Variants in CPQ observed in about 807,000 individuals in gnomAD.
CPQ encodes the protein carboxypeptidase Q, also known as Ser-Met dipeptidase.
A neutral mutation model predicts 45.7 loss-of-function variants in CPQ; 37 were observed. That is an observed-to-expected ratio of 0.81 (90% confidence interval 0.62 to 1.07). The LOEUF (loss-of-function observed/expected upper bound fraction) is 1.07, where lower values mean the gene tolerates loss of function less well. Ranked by LOEUF, CPQ falls within the 50% of genes least tolerant of loss-of-function variation. The pLI, the probability that CPQ is intolerant of heterozygous loss-of-function variation, is 0.00. For synonymous variants in CPQ, 186 were observed against 205.8 expected, an observed-to-expected ratio of 0.90 and a Z score of 0.82; for missense variants, 537 against 572.9, an observed-to-expected ratio of 0.94 and a Z score of 0.64.
intron 7 of CPQ, among the ~76,000 whole-genome samples, chr8:97,138,137 A>T (rs1812095877): frequency 6.6e-6 from 1 of 152,104 alleles, no homozygotes; most frequent in South Asian, 2.1e-4. Flanking sequence ...ATGGCTCCAC[A>T]TTTATGAACT....
At position 96,695,905 on chromosome 8, in the gene CPQ, T is replaced by C. The variant is rs1809373800; in HGVS notation, c.-35+50503T>C. Among the ~76,000 whole-genome samples the C allele has an allele frequency of 2.0e-5, 3 of 149,148 alleles. 1 individual carries two copies. Among genetic ancestry groups the C allele is most frequent in the African/African-American group, 7.6e-5 (3 of 39,332 alleles). On this transcript the variant is annotated intron_variant, in intron 1 of 7. Coordinates refer to ENST00000220763, the MANE Select transcript of CPQ (RefSeq NM_016134.4). ...TGGCGATTCCTCAGGGATCTAGAACTAGAAATATCATTTGACCCAGCCATC... is the reference window on the plus strand; with the variant it reads ...TGGCGATTCCTCAGGGATCTAGAACCAGAAATATCATTTGACCCAGCCATC...
chr8:96,834,089 C>G (rs1811494792), intron 2 of CPQ, among the ~76,000 whole-genome samples: 1 of 152,182 alleles, frequency 6.6e-6, no homozygotes, highest in Non-Finnish European at 1.5e-5. Context: ...TGCATCTGGC[C>G]TTTGTTGCCA....
At position 97,143,062 on chromosome 8, in the gene CPQ, A is replaced by T. The variant is rs747332856; in HGVS notation, c.1298A>T (p.His433Leu). 3 of 1,613,886 alleles carry T rather than the reference A, an allele frequency of 1.9e-6. No individual in the cohort carries two copies. Among genetic ancestry groups the T allele is most frequent in the Middle Eastern group, 3.3e-4 (2 of 6,084 alleles). The change falls in exon 8 of 8, where the codon CAT becomes CTT. Residue 433 changes from histidine to leucine, a missense_variant. Physicochemically the swap from His to Leu is moderately conservative, Grantham distance 99. Coordinates refer to ENST00000220763, the MANE Select transcript of CPQ (RefSeq NM_016134.4). ...GACTTATACAAGTATTTCTTCTTCCATCACTCCCACGGAGACACCATGACT... is the reference window on the plus strand; with the variant it reads ...GACTTATACAAGTATTTCTTCTTCCTTCACTCCCACGGAGACACCATGACT... ...LDDLYKYFFF[H>L]HSHGDTMTVM...
chr8:96,658,017 A>G (rs570997250), intron 1 of CPQ, among the ~76,000 whole-genome samples: 1 of 152,364 alleles, frequency 6.6e-6, no homozygotes, highest in East Asian at 1.9e-4. Flanking sequence ...AGTATTTTAA[A>G]TCATTAATGC....
At chr8:97,016,470 T>G (rs1334951133) in intron 5 of CPQ, among the ~76,000 whole-genome samples, 1 of 152,232 alleles carries the variant, frequency 6.6e-6, no homozygotes, top group African/African-American at 2.4e-5. Context: ...ATATATTCAT[T>G]CAGTCAATCA....
chr8:97,030,926 G>A (rs1313425778), intron 6 of CPQ, among the ~76,000 whole-genome samples: 2 of 152,124 alleles, frequency 1.3e-5, no homozygotes, highest in Admixed American at 6.6e-5. Flanking sequence ...GTGTGCAAAG[G>A]CAGGAGATGA....
intron 2 of CPQ, among the ~76,000 whole-genome samples, chr8:96,800,997 A>G: frequency 7.0e-6 from 1 of 142,706 alleles, no homozygotes; most frequent in Non-Finnish European, 1.5e-5. Flanking sequence ...TTTTTTTGAG[A>G]CAGGGTCTCA....
At chr8:97,086,131 C>A (rs1338086335) in intron 7 of CPQ, among the ~76,000 whole-genome samples, 1 of 152,082 alleles carries the variant, frequency 6.6e-6, no homozygotes, top group Non-Finnish European at 1.5e-5. Flanking sequence ...AATTGCTTGG[C>A]ACTTAAAAAG....
chr8:96,785,065 T>G lies in CPQ; in HGVS notation c.168T>G (p.Tyr56Ter). The G allele has an allele frequency of 6.2e-7, 1 of 1,613,838 alleles. No individual in the cohort carries two copies. Among genetic ancestry groups the G allele is most frequent in the Non-Finnish European group, 8.5e-7 (1 of 1,179,846 alleles). The change falls in exon 2 of 8, where the codon TAT (tyrosine) becomes TAG (stop). Residue 56 changes from tyrosine to a stop codon, truncating the protein, a stop_gained. Coordinates refer to ENST00000220763, the MANE Select transcript of CPQ (RefSeq NM_016134.4). LOFTEE classifies it high-confidence loss of function. ...VAKAIINLAV[Y>*]GKAQNRSYER... ...AAGCAATCATCAACCTAGCTGTTTA[T>G]GGTAAAGCCCAGAACAGATCCTATG...
chr8:96,767,804 C>T (rs540513186), intron 1 of CPQ, among the ~76,000 whole-genome samples: 7 of 151,928 alleles, frequency 4.6e-5, no homozygotes, highest in Middle Eastern at 6.8e-3. Flanking sequence ...CCACCATGCT[C>T]GGCTAATTTA....
At chr8:96,773,160 C>T (rs745867295) in intron 1 of CPQ, among the ~76,000 whole-genome samples, 2 of 152,128 alleles carry the variant, frequency 1.3e-5, no homozygotes, top group African/African-American at 2.4e-5. Context: ...TGAATCAGAG[C>T]TGTATACTTC....
At chr8:96,930,505 A>AAATACATAT (rs1048868862) in intron 4 of CPQ, among the ~76,000 whole-genome samples, 46 of 152,342 alleles carry the variant, frequency 3.0e-4, no homozygotes, top group African/African-American at 1.0e-3. Context: ...AGTAATAAAT[A>AAATACATAT]AATACATATC....
intron 1 of CPQ, among the ~76,000 whole-genome samples, chr8:96,726,297 G>T (rs903775379): frequency 3.3e-5 from 5 of 152,154 alleles, no homozygotes; most frequent in African/African-American, 1.2e-4. Flanking sequence ...ATTCATTCAT[G>T]AATTAATGGA....
At chr8:97,105,754 G>T (rs539534829) in intron 7 of CPQ, among the ~76,000 whole-genome samples, 1 of 152,198 alleles carries the variant, frequency 6.6e-6, no homozygotes, top group Admixed American at 6.5e-5. Context: ...CTCTTTATTT[G>T]TTATCATAAG....
chr8:96,756,056 C>T (rs1229604524), intron 1 of CPQ, among the ~76,000 whole-genome samples: 1 of 151,982 alleles, frequency 6.6e-6, no homozygotes, highest in Admixed American at 6.6e-5. Flanking sequence ...CTCCATAACT[C>T]TAAATAATGT....
At chr8:97,010,642 T>C (rs753217784) in intron 5 of CPQ, among the ~76,000 whole-genome samples, 2 of 152,170 alleles carry the variant, frequency 1.3e-5, no homozygotes, top group African/African-American at 2.4e-5. Flanking sequence ...TTCACAGTTA[T>C]GTAATCGCTC....
chr8:96,831,101 T>C (rs144720037), intron 2 of CPQ, among the ~76,000 whole-genome samples: 32 of 152,296 alleles, frequency 2.1e-4, no homozygotes, highest in African/African-American at 7.2e-4. Context: ...GTTATTATCA[T>C]CATCAATTAT....
At chr8:96,678,952 T>C (rs993255513) in intron 1 of CPQ, among the ~76,000 whole-genome samples, 8 of 152,112 alleles carry the variant, frequency 5.3e-5, no homozygotes, top group African/African-American at 1.9e-4. Flanking sequence ...TTTGTTTTTG[T>C]TGCCTGTTTT....
At chr8:96,652,282 A>G (rs1815585539) in intron 1 of CPQ, among the ~76,000 whole-genome samples, 1 of 152,180 alleles carries the variant, frequency 6.6e-6, no homozygotes, top group African/African-American at 2.4e-5. Context: ...AGCTTCATCC[A>G]TGTTGTCACA....
Sources: allele counts gnomAD v4.1 joint callset (sites outside exome capture counted in the v4.1 genomes callset), GRCh38; gene constraint gnomAD v4.1.1; transcripts MANE v1.5; gene names NCBI Gene and HGNC (gene_info 2026-07-23, HGNC 2026-07-21).